ITIH4: variants seen among roughly 807,000 people sequenced by gnomAD.
ITIH4 encodes inter-alpha-trypsin inhibitor heavy chain 4, also known as inter-alpha-trypsin inhibitor heavy chain H4.
In ITIH4, 79 loss-of-function variants were observed where a neutral mutation model predicts 111.8. The observed-to-expected ratio is 0.71, with a 90% confidence interval of 0.59 to 0.85. The LOEUF (loss-of-function observed/expected upper bound fraction) is 0.85. Ranked by LOEUF, ITIH4 falls within the 40% of genes least tolerant of loss-of-function variation. The probability of loss-of-function intolerance (pLI) is 0.00; values close to 1 mark genes in which losing one functional copy is unlikely to be tolerated. For synonymous variants in ITIH4, 472 were observed against 468.3 expected, an observed-to-expected ratio of 1.01 and a Z score of -0.10; for missense variants, 1,065 against 1,195.8, an observed-to-expected ratio of 0.89 and a Z score of 1.61.
rs371936992 is a variant in ITIH4, at chr3:52,823,835, G to A, written c.1341C>T (p.Ala447=). ...GGCACACTGGCACCTGGAGCTGCAG[G>A]GCAGAGTCTGAGTCCTCATGGATGC... ...ARRIHEDSDS[A]LQLQDFYQEV... Residue 447 remains alanine (A), a synonymous_variant, in exon 10 of 24, where the codon GCC becomes GCT. Coordinates refer to ENST00000266041, the MANE Select transcript of ITIH4 (RefSeq NM_002218.5). The A allele has an allele frequency of 3.8e-5, 61 of 1,613,818 alleles. No homozygotes were observed. Among genetic ancestry groups the A allele is most frequent in the Non-Finnish European group, 4.6e-5 (54 of 1,180,004 alleles).
At position 52,814,069 on chromosome 3, in the gene ITIH4, G is replaced by A; in HGVS notation, c.2629C>T (p.Gln877Ter). 3 of 1,613,722 alleles carry A rather than the reference G, an allele frequency of 1.9e-6. No individual in the cohort carries two copies. Among genetic ancestry groups the A allele is most frequent in the Non-Finnish European group, 2.5e-6 (3 of 1,179,848 alleles). Reference sequence around the variant, plus strand: ...CCCCAGAGCACCTCCTGGTAAAACTGGCCTGAGATACAAAGGGTGGATCAG... The same window carrying A: ...CCCCAGAGCACCTCCTGGTAAAACTAGCCTGAGATACAAAGGGTGGATCAG... ...FSSHVGGTLGQFYQEVLWGSP... is the reference protein window; with the variant it reads ...FSSHVGGTLG The change falls in exon 23 of 24, where the codon CAG (glutamine) becomes TAG (stop). Residue 877 changes from glutamine (Q) to a stop codon, truncating the protein, a stop_gained and splice_region_variant. Transcript: ENST00000266041. LOFTEE classifies it high-confidence loss of function.
Position 52,825,879 on chromosome 3 carries a change from C to T in ITIH4, c.759+7G>A. The T allele has an allele frequency of 6.2e-7, 1 of 1,612,792 alleles. No homozygotes were observed. Among genetic ancestry groups the T allele is most frequent in the Non-Finnish European group, 8.5e-7 (1 of 1,179,396 alleles). On this transcript the variant is annotated splice_region_variant and intron_variant, in intron 6 of 23. Coordinates refer to ENST00000266041, the MANE Select transcript of ITIH4 (RefSeq NM_002218.5). ...GGCTGCTCTGCTCTTGCCTGAAGTC[C>T]ACCCACCTGAATGGAGCCCCCGGAG...
chr3:52,815,398 C>T (rs189553541), intron 21 of ITIH4, among the ~76,000 whole-genome samples: 62 of 152,036 alleles, frequency 4.1e-4, no homozygotes, highest in African/African-American at 1.5e-3. Context: ...CGTGCCACCA[C>T]ACCCAGCTAA....
chr3:52,825,178 T>A, intron 6 of ITIH4: 1 of 374,064 alleles, frequency 2.7e-6, no homozygotes, highest in Non-Finnish European at 4.8e-6. Flanking sequence ...GAACTCTCCC[T>A]GCAACTTTTC....
chr3:52,814,142 G>A (rs1700235475), intron 22 of ITIH4, 67 bp downstream of exon 22: 1 of 1,602,202 alleles, frequency 6.2e-7, no homozygotes, highest in Admixed American at 1.7e-5. Flanking sequence ...CAGGGGAGGG[G>A]CGCTGCCTGT....
rs1382422765 is a variant in ITIH4 at position 52,813,084 on chromosome 3, T to C, written c.*337A>G. 4.4e-6 allele frequency: 1 copy of C among 226,216 alleles called. No homozygotes were observed. The highest frequency in any genetic ancestry group is 2.3e-5 in the African/African-American group (1 of 43,106). 14.0% of individuals were successfully genotyped at this position (226,216 alleles called of 1,614,324 possible). On this transcript the variant is annotated 3_prime_UTR_variant, in exon 24 of 24. Transcript: ENST00000266041. Reference sequence around the variant, plus strand: ...CTGGGCCTCTAGCTGGGGGCCACAGTGACATCTCAAATGGGTGGTTCGAGC... The same window carrying C: ...CTGGGCCTCTAGCTGGGGGCCACAGCGACATCTCAAATGGGTGGTTCGAGC...
chr3:52,826,106 T>G, intron 5 of ITIH4, 92 bp from the exon 6 acceptor site: 2 of 1,537,104 alleles, frequency 1.3e-6, no homozygotes, highest in Non-Finnish European at 1.8e-6. Context: ...GAAATCAGAA[T>G]TCCAGGATGC....
At chr3:52,820,870 T>C in intron 12 of ITIH4, 85 bp from the exon 13 acceptor site, 1 of 1,550,142 alleles carries the variant, frequency 6.5e-7, no homozygotes, top group East Asian at 2.3e-5. Context: ...GAGGTCCCTC[T>C]GGGAGAATCT....
chr3:52,830,131 G>T (rs1270635124), intron 1 of ITIH4: 2 of 349,452 alleles, frequency 5.7e-6, no homozygotes, highest in Non-Finnish European at 1.1e-5. Context: ...GATACAATGG[G>T]TTTGGTTTTC....
chr3:52,819,703 G>A lies in ITIH4; in HGVS notation c.1951+51C>T, dbSNP rs749336050. The A allele has an allele frequency of 6.9e-6, 11 of 1,600,348 alleles. No individual in the cohort carries two copies. In the Admixed American group the frequency reaches 1.8e-4, roughly 27 times the overall value. The stretch of plus-strand genomic sequence containing the variant: ...ATGAACAATAATGGACCTCCCTCAA[G>A]CTCCCCCCCAGGGATGTCATGCCTC... On this transcript the variant is annotated intron_variant, in intron 16 of 23. Coordinates refer to ENST00000266041, the MANE Select transcript of ITIH4 (RefSeq NM_002218.5).
chr3:52,819,589 C>A (rs945306892), intron 16 of ITIH4, 71 bp from the exon 17 acceptor site: 11 of 1,606,348 alleles, frequency 6.8e-6, no homozygotes, highest in Non-Finnish European at 9.4e-6. Flanking sequence ...GGCTTGAGAT[C>A]CACCCAGGAG....
In ITIH4 at chr3:52,827,187, C is replaced by T. The variant is rs751642445; in HGVS notation, c.262G>A (p.Gly88Ser). 150 of 1,613,782 alleles carry T rather than the reference C, an allele frequency of 9.3e-5. 1 individual carries two copies. The highest frequency in any genetic ancestry group is 1.2e-4 in the Non-Finnish European group (146 of 1,179,814). Residue 88 changes from glycine to serine, a missense_variant, in exon 3 of 24, where the codon GGC becomes AGC. Transcript: ENST00000266041. ...FITNFSMIID[G>S]MTYPGIIKEK... ...TTGATGATCCCTGGGTAGGTCATGC[C>T]ATCGATGATCCTGGGGGCAGAAGGG...
At position 52,813,254 on chromosome 3, in the gene ITIH4, T is replaced by G; in HGVS notation, c.*167A>C. The G allele has an allele frequency of 1.5e-6, 1 of 652,372 alleles. No individual in the cohort carries two copies. The highest frequency in any genetic ancestry group is 2.8e-6 in the Non-Finnish European group (1 of 361,684). 40.4% of individuals were successfully genotyped at this position (652,372 alleles called of 1,614,324 possible). A position where few individuals can be genotyped will look rare whatever the true frequency, so the allele number is the denominator to read the frequency against. On this transcript the variant is annotated 3_prime_UTR_variant, in exon 24 of 24. Coordinates refer to ENST00000266041, the MANE Select transcript of ITIH4 (RefSeq NM_002218.5). The stretch of plus-strand genomic sequence containing the variant: ...GGATGCGAGGTTGAGGCCCTAGGAT[T>G]TGGCCACATGGAACTGGAGACACCC...
chr3:52,815,554 T>C (rs1005417281), intron 21 of ITIH4, among the ~76,000 whole-genome samples: 1 of 151,880 alleles, frequency 6.6e-6, no homozygotes, highest in African/African-American at 2.4e-5. Flanking sequence ...TTTTTCTTTA[T>C]GTCTTCTGTA....
At position 52,826,609 on chromosome 3, in the gene ITIH4, C is replaced by T. The variant is rs373597051; in HGVS notation, c.562G>A (p.Glu188Lys). The change falls in exon 5 of 24, where the codon GAG becomes AAG. Residue 188 changes from glutamate (E) to lysine (K), a missense_variant. Glu to Lys is a moderately conservative substitution (Grantham distance 56). Coordinates refer to ENST00000266041, the MANE Select transcript of ITIH4 (RefSeq NM_002218.5). ...TTGGTCATGAAGGTGCTCTCTGTCT[C>T]CAGAAAGCTGATGCCCTGGGGCTCG... ...IFEPQGISFL[E>K]TESTFMTNQL... The T allele has an allele frequency of 9.9e-6, 16 of 1,613,954 alleles. No homozygotes were observed. The highest frequency in any genetic ancestry group is 2.7e-5 in the African/African-American group (2 of 74,924).
At chr3:52,819,252 A>G in intron 17 of ITIH4, 141 bp downstream of exon 17, 2 of 915,170 alleles carry the variant, frequency 2.2e-6, no homozygotes, top group Non-Finnish European at 3.3e-6. Flanking sequence ...GAACTGACCC[A>G]CAATTACTTC....
intron 1 of ITIH4, chr3:52,830,291 T>G: frequency 3.7e-6 from 2 of 543,528 alleles, no homozygotes. Flanking sequence ...GGTCACTTAC[T>G]AAAAGGCGGT....
chr3:52,820,793 T>G lies in ITIH4; in HGVS notation c.1680-8A>C. 6.2e-7 allele frequency: 1 copy of G among 1,607,308 alleles called. No homozygotes were observed. The highest frequency in any genetic ancestry group is 8.5e-7 in the Non-Finnish European group (1 of 1,176,026). On this transcript the variant is annotated splice_polypyrimidine_tract_variant and splice_region_variant and intron_variant, in intron 12 of 23. Transcript: ENST00000266041. ...GCATCGGATGCGGAGACACTGTAGGTGGAGCACATCAGAGCTCAGGAGATC... is the reference window on the plus strand; with the variant it reads ...GCATCGGATGCGGAGACACTGTAGGGGGAGCACATCAGAGCTCAGGAGATC...
chr3:52,825,981 G>A lies in ITIH4; in HGVS notation c.664C>T (p.Gln222Ter), dbSNP rs1268789583. ...TCTTGCTGCTCTGGGGACTTTTGCT[G>A]CTGGGAAAGTGTTGGCTTGAACCGG... ...HIRFKPTLSQ[Q>*]QKSPEQQETV... The change falls in exon 6 of 24, where the codon CAG (glutamine) becomes TAG (stop). Residue 222 changes from glutamine (Q) to a stop codon, truncating the protein, a stop_gained. Transcript: ENST00000266041. LOFTEE classifies it high-confidence loss of function. The A allele has an allele frequency of 6.2e-7, 1 of 1,614,174 alleles. No homozygotes were observed. Among genetic ancestry groups the A allele is most frequent in the East Asian group, 2.2e-5 (1 of 44,884 alleles).
Sources: allele counts gnomAD v4.1 joint callset (sites outside exome capture counted in the v4.1 genomes callset), GRCh38; gene constraint gnomAD v4.1.1; transcripts MANE v1.5; gene names NCBI Gene and HGNC (gene_info 2026-07-23, HGNC 2026-07-21).